CSMD1: variants seen among roughly 807,000 people sequenced by gnomAD.
CSMD1 encodes CUB and Sushi multiple domains 1, also known as CUB and sushi domain-containing protein 1.
In CSMD1, 213 loss-of-function variants were observed where a neutral mutation model predicts 417.5. The ratio of observed to expected loss-of-function variants is 0.51; its 90% CI spans 0.46 to 0.57. The LOEUF (loss-of-function observed/expected upper bound fraction) is 0.57. CSMD1 is among the 20% of genes least tolerant of loss of function. CSMD1 has a pLI of 0.00. For missense variants in CSMD1, 6,923 were observed against 4,529.7 expected (o/e 1.53, Z -15.17); for synonymous variants, 2,862 against 1,736.8 (o/e 1.65, Z -16.11).
intron 10 of CSMD1, among the ~76,000 whole-genome samples, chr8:3,567,811 A>C (rs1308434062): frequency 2.0e-5 from 3 of 152,110 alleles, no homozygotes; most frequent in Admixed American, 2.0e-4. Flanking sequence ...CATCCTCTGC[A>C]GATCCGTCAC....
At chr8:3,806,616 T>C (rs932652691) in intron 5 of CSMD1, among the ~76,000 whole-genome samples, 1 of 152,180 alleles carries the variant, frequency 6.6e-6, no homozygotes, top group Non-Finnish European at 1.5e-5. Context: ...ACAACATCAA[T>C]AATCAATGTA....
rs185979688 is a variant in CSMD1 at position 3,245,720 on chromosome 8, A to C, written c.4154-15489T>G. Among the ~76,000 whole-genome samples the C allele has an allele frequency of 2.1e-4, 32 of 152,322 alleles. No homozygotes were observed. The East Asian group carries it at 5.8e-3, about 28-fold the overall frequency. On this transcript the variant is annotated intron_variant, in intron 26 of 69. Coordinates refer to ENST00000635120, the MANE Select transcript of CSMD1 (RefSeq NM_033225.6). ...TTCTTCATATAAAACCACAGCTACCACAGATGATCACCCCAATTTCTGGGT... is the reference window on the plus strand; with the variant it reads ...TTCTTCATATAAAACCACAGCTACCCCAGATGATCACCCCAATTTCTGGGT...
chr8:4,749,585 T>C (rs1228397424), intron 1 of CSMD1, among the ~76,000 whole-genome samples: 1 of 152,240 alleles, frequency 6.6e-6, no homozygotes, highest in African/African-American at 2.4e-5. Context: ...ATGTCAATGA[T>C]CTTGTACAGA....
intron 3 of CSMD1, among the ~76,000 whole-genome samples, chr8:4,096,989 C>T (rs949270991): frequency 5.3e-5 from 8 of 152,122 alleles, no homozygotes; most frequent in African/African-American, 1.9e-4. Flanking sequence ...AAGGGATGGG[C>T]AGAGATAAAA....
chr8:4,126,548 G>A (rs975103110), intron 3 of CSMD1, among the ~76,000 whole-genome samples: 1 of 152,156 alleles, frequency 6.6e-6, no homozygotes, highest in Non-Finnish European at 1.5e-5. Context: ...GGAGGCCACT[G>A]ATCCACAATT....
intron 8 of CSMD1, among the ~76,000 whole-genome samples, chr8:3,612,224 A>C (rs538256593): frequency 1.3e-5 from 2 of 152,214 alleles, no homozygotes; most frequent in East Asian, 1.9e-4. Flanking sequence ...GTCATTTCAT[A>C]ACAAAAGGTA....
At chr8:4,257,725 C>G (rs997035253) in intron 3 of CSMD1, among the ~76,000 whole-genome samples, 3 of 152,160 alleles carry the variant, frequency 2.0e-5, no homozygotes, top group African/African-American at 7.2e-5. Context: ...TACCAAATAC[C>G]TCTCTGCTTC....
chr8:4,917,064 T>G (rs1806112215), intron 1 of CSMD1, among the ~76,000 whole-genome samples: 1 of 152,060 alleles, frequency 6.6e-6, no homozygotes, highest in African/African-American at 2.4e-5. Flanking sequence ...TTGGCTCAGG[T>G]TCGGTAGACT....
intron 5 of CSMD1, among the ~76,000 whole-genome samples, chr8:3,823,895 G>A (rs1415763451): frequency 9.2e-5 from 14 of 151,976 alleles, no homozygotes; most frequent in Admixed American, 8.5e-4. Flanking sequence ...TCATTGTAAC[G>A]ATTAAATATT....
At chr8:4,993,840 G>T (rs1811609327) in intron 1 of CSMD1, among the ~76,000 whole-genome samples, 1 of 152,122 alleles carries the variant, frequency 6.6e-6, no homozygotes, top group African/African-American at 2.4e-5. Flanking sequence ...CCGGGCCGGC[G>T]GAGACCTTTG....
chr8:4,042,132 T>G (rs928825290), intron 3 of CSMD1, among the ~76,000 whole-genome samples: 1 of 151,984 alleles, frequency 6.6e-6, no homozygotes, highest in Non-Finnish European at 1.5e-5. Context: ...ACAAATTACC[T>G]AAAAACTTCA....
chr8:3,120,050 T>TA (rs1304486437), intron 41 of CSMD1, among the ~76,000 whole-genome samples: 1 of 152,188 alleles, frequency 6.6e-6, no homozygotes, highest in Non-Finnish European at 1.5e-5. Context: ...AGTGAGCCTG[T>TA]AGTTTGGAAA....
chr8:4,281,289 T>C (rs1220800635), intron 3 of CSMD1, among the ~76,000 whole-genome samples: 1 of 152,130 alleles, frequency 6.6e-6, no homozygotes. Flanking sequence ...AAATAGAAGG[T>C]AGAGATATGA....
intron 10 of CSMD1, among the ~76,000 whole-genome samples, chr8:3,550,009 G>C (rs142298639): frequency 1.3e-3 from 200 of 152,206 alleles, no homozygotes; most frequent in South Asian, 7.5e-3. Flanking sequence ...ATGTTTTAAT[G>C]ACCACCTTCT....
intron 3 of CSMD1, among the ~76,000 whole-genome samples, chr8:4,176,208 T>A (rs1298528810): frequency 6.6e-6 from 1 of 152,108 alleles, no homozygotes; most frequent in Admixed American, 6.5e-5. Flanking sequence ...CTGTTGGATG[T>A]GGCTCTGTAG....
chr8:3,986,786 C>T (rs1477955861), intron 5 of CSMD1, among the ~76,000 whole-genome samples: 1 of 151,922 alleles, frequency 6.6e-6, no homozygotes, highest in Non-Finnish European at 1.5e-5. Flanking sequence ...GATGGAGTCT[C>T]ACCCTGTTGC....
intron 3 of CSMD1, among the ~76,000 whole-genome samples, chr8:4,400,972 T>C (rs1804607157): frequency 6.6e-6 from 1 of 152,116 alleles, no homozygotes; most frequent in African/African-American, 2.4e-5. Context: ...TTATATTCCC[T>C]AAGTATTTTA....
chr8:3,616,213 A>T (rs1405977104), intron 8 of CSMD1, among the ~76,000 whole-genome samples: 12 of 152,288 alleles, frequency 7.9e-5, no homozygotes, highest in Non-Finnish European at 1.8e-4. Context: ...TCCACATGTC[A>T]TGGGAGGGAC....
intron 3 of CSMD1, among the ~76,000 whole-genome samples, chr8:4,073,274 A>G (rs560780010): frequency 2.6e-5 from 4 of 152,316 alleles, no homozygotes; most frequent in South Asian, 4.1e-4. Flanking sequence ...GGCCAAAATT[A>G]GAGTTGAAAG....
Sources: gnomAD v4.1 joint callset for allele counts (sites outside exome capture counted in the v4.1 genomes callset) on GRCh38, gnomAD v4.1.1 for gene constraint, MANE v1.5 for transcripts, NCBI Gene and HGNC (gene_info 2026-07-23, HGNC 2026-07-21) for gene names.